Variants in NEB observed in about 807,000 individuals in gnomAD.
The protein encoded by NEB is nebulin.
A neutral mutation model predicts 952.2 loss-of-function variants in NEB; 512 were observed. That is an observed-to-expected ratio of 0.54 (90% CI 0.50 to 0.58). The LOEUF (loss-of-function observed/expected upper bound fraction) is 0.58, where lower values mean the gene tolerates loss of function less well. NEB is among the 20% of genes least tolerant of loss of function. The pLI is 0.00. For missense variants in NEB, 8,428 were observed against 9,231.1 expected, an observed-to-expected ratio of 0.91 and a Z score of 3.56; for synonymous variants, 2,900 against 3,149.8, an observed-to-expected ratio of 0.92 and a Z score of 2.66.
At chr2:151,689,990 G>C (rs983195548) in intron 24 of NEB, 1 of 152,140 alleles carries the variant, frequency 6.6e-6, no homozygotes, top group African/African-American at 2.4e-5. Flanking sequence ...TACTCTCTAG[G>C]ACTTAGCTAT....
rs981099666 is a variant in NEB at position 151,545,892 on chromosome 2, C to G, written c.20573G>C (p.Ser6858Thr). The G allele has an allele frequency of 1.3e-6, 2 of 1,591,390 alleles. No individual in the cohort carries two copies. Among genetic ancestry groups the G allele is most frequent in the African/African-American group, 2.7e-5 (2 of 74,322 alleles). The change falls in exon 135 of 182, where the codon AGT becomes ACT. Residue 6858 changes from serine to threonine, a missense_variant. Ser to Thr is a moderately conservative substitution (Grantham distance 58). Around this residue, in one of 11 missense-constraint regions of NEB, gnomAD observed 3,374 missense variants for 3,651.5 expected, o/e 0.92. Transcript: ENST00000397345. ...RKVQELKTHL[S>T]ELVYRAAGKK... ...TGACAAGTAAAGCGTCCTTACCTCACTCAGATGTGTCTTCAGTTCTTGCAC... is the reference window on the plus strand; with the variant it reads ...TGACAAGTAAAGCGTCCTTACCTCAGTCAGATGTGTCTTCAGTTCTTGCAC...
chr2:151,496,627 T>C (rs1287708950), intron 172 of NEB, among the ~76,000 whole-genome samples: 1 of 152,158 alleles, frequency 6.6e-6, no homozygotes, highest in East Asian at 1.9e-4. Context: ...TTTTCATTTT[T>C]GTGAGTACGG....
At chr2:151,556,593 C>A (rs570384266) in intron 124 of NEB, among the ~76,000 whole-genome samples, 101 of 152,058 alleles carry the variant, frequency 6.6e-4, no homozygotes, top group Non-Finnish European at 1.2e-3. Context: ...TTTAAACCAA[C>A]AAAGATCAAA....
In NEB at chr2:151,697,203, G is replaced by C. The variant is rs2099602782; in HGVS notation, c.1415C>G (p.Pro472Arg). 1.2e-6 allele frequency: 2 copies of C among 1,613,634 alleles called. No homozygotes were observed. Among genetic ancestry groups the C allele is most frequent in the African/African-American group, 1.3e-5 (1 of 74,928 alleles). The change falls in exon 16 of 182, where the codon CCT (proline) becomes CGT (arginine). Residue 472 changes from proline (P) to arginine (R), a missense_variant. Pro to Arg is a moderately radical substitution (Grantham distance 103, BLOSUM62 -2). Transcript: ENST00000397345. ...TTCATATTCTTGAGTTATGGTCTGA[G>C]GGAAGAAGCCTTTGCCTCTGTCTTC... ...YEEDRGKGFF[P>R]QTITQEYEAI... is the part of the protein sequence containing the mutation.
At chr2:151,636,116 T>C in intron 64 of NEB, 111 bp downstream of exon 64, 2 of 912,036 alleles carry the variant, frequency 2.2e-6, no homozygotes, top group Non-Finnish European at 1.6e-6. Flanking sequence ...CCTACACAAA[T>C]ATATCAGGAT....
At chr2:151,629,728 A>C in intron 67 of NEB, 82 bp from the exon 68 acceptor site, 2 of 1,211,738 alleles carry the variant, frequency 1.7e-6, no homozygotes, top group African/African-American at 1.5e-5. Context: ...ATATCCTAAA[A>C]TTTAAAAAAG....
chr2:151,567,960 C>A, intron 113 of NEB, 111 bp downstream of exon 113: 1 of 772,638 alleles, frequency 1.3e-6, no homozygotes, highest in Non-Finnish European at 2.1e-6. Flanking sequence ...GCCAGGTCTG[C>A]CACACTGAAA....
At chr2:151,656,566 T>C in intron 48 of NEB, 102 bp from the exon 49 acceptor site, 4 of 616,448 alleles carry the variant, frequency 6.5e-6, no homozygotes, top group Non-Finnish European at 9.2e-6. Context: ...TAAAATATAA[T>C]TAAAAATTAT....
intron 12 of NEB, among the ~76,000 whole-genome samples, chr2:151,708,869 G>A (rs1272749715): frequency 6.6e-6 from 1 of 152,176 alleles, no homozygotes; most frequent in Non-Finnish European, 1.5e-5. Context: ...CAATCCATCA[G>A]CAAATCAAGT....
chr2:151,654,222 G>A, intron 51 of NEB, 123 bp from the exon 52 acceptor site: 1 of 502,406 alleles, frequency 2.0e-6, no homozygotes, highest in Non-Finnish European at 3.4e-6. Context: ...TATCTTTAAA[G>A]ATATGGATAA....
intron 172 of NEB, 103 bp from the exon 173 acceptor site, chr2:151,496,471 G>A (rs1213963010): frequency 4.8e-6 from 7 of 1,468,966 alleles, no homozygotes; most frequent in East Asian, 2.5e-5. Context: ...AAACACAGTC[G>A]TCCAAGGAGC....
At position 151,662,242 on chromosome 2, in the gene NEB, T is replaced by C; in HGVS notation, c.5863A>G (p.Ile1955Val). ...AEKNKKAMEI[I>V]SEKKYRQHPD... ...TGCTGGCGGTACTTCTTTTCACTAATAATCTCCATGGCTTTCTTGTTTTTC... is the reference window on the plus strand; with the variant it reads ...TGCTGGCGGTACTTCTTTTCACTAACAATCTCCATGGCTTTCTTGTTTTTC... The change falls in exon 46 of 182, where the codon ATT becomes GTT. Residue 1955 changes from isoleucine to valine, a missense_variant. By Grantham distance (29) the Ile-to-Val change is conservative. Transcript: ENST00000397345. The C allele has an allele frequency of 6.2e-7, 1 of 1,613,694 alleles. No homozygotes were observed. Among genetic ancestry groups the C allele is most frequent in the Non-Finnish European group, 8.5e-7 (1 of 1,179,678 alleles).
chr2:151,563,693 C>T lies in NEB; in HGVS notation c.18606G>A (p.Lys6202=), dbSNP rs2153719853. The change falls in exon 119 of 182, where the codon AAG becomes AAA. Residue 6202 remains lysine (K), a synonymous_variant. Coordinates refer to ENST00000397345, the MANE Select transcript of NEB (RefSeq NM_001164508.2). ...TTCCAGCCAGGTAGTGACCTTTCTG[C>T]TTCTCATATGTCTCTTTGTATTTAA... ...SELKYKETYE[K]QKGHYLAGKV... 1.2e-6 allele frequency: 2 copies of T among 1,613,806 alleles called. No individual in the cohort carries two copies. The highest frequency in any genetic ancestry group is 8.5e-7 in the Non-Finnish European group (1 of 1,179,710).
At chr2:151,529,137 G>T in intron 146 of NEB, 73 bp downstream of exon 146, 1 of 994,684 alleles carries the variant, frequency 1.0e-6, no homozygotes. Context: ...CTGAAGAGAT[G>T]TAAAAAGAGG....
intron 70 of NEB, among the ~76,000 whole-genome samples, chr2:151,626,040 A>G (rs2098516110): frequency 6.6e-6 from 1 of 151,694 alleles, no homozygotes; most frequent in Non-Finnish European, 1.5e-5. Context: ...TTGTTAGTTT[A>G]TTAGCTGCAA....
At chr2:151,643,020 C>T (rs2098902818) in intron 58 of NEB, 130 bp downstream of exon 58, 1 of 1,183,720 alleles carries the variant, frequency 8.4e-7, no homozygotes, top group African/African-American at 1.5e-5. Flanking sequence ...CAATAAGAAG[C>T]ACAATACTTT....
At position 151,563,947 on chromosome 2, in the gene NEB, C is replaced by T. The variant is rs2096241034; in HGVS notation, c.18472-17G>A. ...ATACAGTATCTAGAACAAAGAAATA[C>T]ATGGCAACAAAAGTTTTCTTTCAAC... is the stretch of plus-strand genomic sequence containing the variant. On this transcript the variant is annotated splice_polypyrimidine_tract_variant and intron_variant, in intron 117 of 181. Coordinates refer to ENST00000397345, the MANE Select transcript of NEB (RefSeq NM_001164508.2). 3 of 1,554,866 alleles carry T rather than the reference C, an allele frequency of 1.9e-6. No homozygotes were observed. Among genetic ancestry groups the T allele is most frequent in the East Asian group, 2.3e-5 (1 of 43,080 alleles).
At position 151,516,455 on chromosome 2, in the gene NEB, T is replaced by A; in HGVS notation, c.22905+4A>T. 6.2e-7 allele frequency: 1 copy of A among 1,600,016 alleles called. No individual in the cohort carries two copies. The highest frequency in any genetic ancestry group is 8.6e-7 in the Non-Finnish European group (1 of 1,167,998). ...TGTTGTGTGGTGTGGTTTTTTTGAC[T>A]TACCCCACTCTGCATCTGCTGAGAC... On this transcript the variant is annotated splice_donor_region_variant and intron_variant, in intron 157 of 181. Transcript: ENST00000397345.
chr2:151,698,453 A>T (rs2149405180), intron 13 of NEB, among the ~76,000 whole-genome samples: 1 of 151,920 alleles, frequency 6.6e-6, no homozygotes, highest in South Asian at 2.1e-4. Flanking sequence ...TGGGGGGATT[A>T]AAAAAAATTC....
Sources: gnomAD v4.1 joint callset for allele counts (sites outside exome capture counted in the v4.1 genomes callset) on GRCh38, gnomAD v4.1.1 for gene constraint, gnomAD v4.1.1 regional missense constraint, MANE v1.5 for transcripts, NCBI Gene and HGNC (gene_info 2026-07-23, HGNC 2026-07-21) for gene names.